PABPC4L: variants seen among roughly 807,000 people sequenced by gnomAD.
PABPC4L encodes polyadenylate-binding protein 4-like.
For synonymous variants in PABPC4L, 169 were observed against 164.1 expected, an observed-to-expected ratio of 1.03 and a Z score of -0.23; for missense variants, 452 against 451.4, an observed-to-expected ratio of 1.00 and a Z score of -0.01.
chr4:134,009,581 T>C, the PABPC4L span, among the ~76,000 whole-genome samples: 2 of 152,028 alleles, frequency 1.3e-5, no homozygotes, highest in Non-Finnish European at 2.9e-5. Flanking sequence ...TTCACTTTGA[T>C]AGCTTGCAGA....
At chr4:134,049,705 A>G in the PABPC4L span, among the ~76,000 whole-genome samples, 1 of 152,294 alleles carries the variant, frequency 6.6e-6, no homozygotes, top group East Asian at 1.9e-4. Context: ...CCAGATCAGG[A>G]TTGCATATTC....
At chr4:134,170,715 C>A in the PABPC4L span, among the ~76,000 whole-genome samples, 1 of 152,060 alleles carries the variant, frequency 6.6e-6, no homozygotes, top group African/African-American at 2.4e-5. Context: ...CATGAGAAAT[C>A]CATTACCATG....
the PABPC4L span, among the ~76,000 whole-genome samples, chr4:134,137,253 T>A: frequency 6.6e-6 from 1 of 152,096 alleles, no homozygotes; most frequent in Admixed American, 6.6e-5. Flanking sequence ...AAGCAAATGA[T>A]ATGTTTCTCT....
chr4:134,082,666 T>C, the PABPC4L span, among the ~76,000 whole-genome samples: 717 of 152,262 alleles, frequency 4.7e-3, 9 homozygotes, highest in African/African-American at 0.016. Flanking sequence ...TTGCTGAGAA[T>C]TGAGGTACTT....
At chr4:134,054,252 G>GTATATATATATATATATA in the PABPC4L span, among the ~76,000 whole-genome samples, 2 of 93,784 alleles carry the variant, frequency 2.1e-5, no homozygotes, top group Non-Finnish European at 4.5e-5. Flanking sequence ...AGTTGTATAT[G>GTATATATATATATATATA]TATATATATA....
chr4:134,113,245 A>C, the PABPC4L span, among the ~76,000 whole-genome samples: 14 of 152,032 alleles, frequency 9.2e-5, no homozygotes, highest in Admixed American at 8.5e-4. Flanking sequence ...AATGTTTATA[A>C]GGTCTATAAT....
At chr4:134,026,115 G>C in the PABPC4L span, among the ~76,000 whole-genome samples, 1 of 152,096 alleles carries the variant, frequency 6.6e-6, no homozygotes, top group East Asian at 1.9e-4. Context: ...CCTGGTGTTT[G>C]AGTTTATAAT....
At chr4:133,966,431 T>C in the PABPC4L span, among the ~76,000 whole-genome samples, 7 of 152,172 alleles carry the variant, frequency 4.6e-5, no homozygotes, top group Non-Finnish European at 7.4e-5. Flanking sequence ...AAACTACCAT[T>C]TGAACCAGCA....
chr4:134,008,110 G>A, the PABPC4L span, among the ~76,000 whole-genome samples: 2 of 151,606 alleles, frequency 1.3e-5, no homozygotes, highest in Non-Finnish European at 3.0e-5. Flanking sequence ...GTTAAATACA[G>A]CTTTCATGAA....
chr4:134,141,603 G>A, the PABPC4L span, among the ~76,000 whole-genome samples: 1 of 151,240 alleles, frequency 6.6e-6, no homozygotes, highest in African/African-American at 2.4e-5. Context: ...AGTTTTACAG[G>A]CTTCCTAATC....
the PABPC4L span, among the ~76,000 whole-genome samples, chr4:134,106,037 G>T: frequency 1.3e-5 from 2 of 151,522 alleles, no homozygotes; most frequent in African/African-American, 4.8e-5. Flanking sequence ...TTATCCTGTT[G>T]CTTCTTTAGA....
the PABPC4L span, among the ~76,000 whole-genome samples, chr4:134,170,893 C>T: frequency 2.0e-5 from 3 of 152,118 alleles, 1 homozygote; most frequent in Admixed American, 2.0e-4. Flanking sequence ...CTTTTAAGTG[C>T]TTTGAGATAT....
the PABPC4L span, among the ~76,000 whole-genome samples, chr4:134,046,208 A>G: frequency 6.6e-6 from 1 of 152,168 alleles, no homozygotes; most frequent in Non-Finnish European, 1.5e-5. Flanking sequence ...ATGGGGCAGG[A>G]GGACAGGGTG....
the PABPC4L span, among the ~76,000 whole-genome samples, chr4:134,026,778 T>G: frequency 5.9e-5 from 9 of 152,134 alleles, no homozygotes; most frequent in Non-Finnish European, 8.8e-5. Context: ...AAGGAAAAAT[T>G]AGACCTAGAC....
chr4:134,180,701 C>T, the PABPC4L span, among the ~76,000 whole-genome samples: 1 of 151,400 alleles, frequency 6.6e-6, no homozygotes, highest in Non-Finnish European at 1.5e-5. Context: ...AGAGGATGTA[C>T]AGTTGACCTT....
At chr4:134,171,055 TG>T in the PABPC4L span, among the ~76,000 whole-genome samples, 1 of 152,132 alleles carries the variant, frequency 6.6e-6, no homozygotes. Context: ...TATCTCATTG[TG>T]GTTTGGAATT....
At chr4:134,052,536 C>T in the PABPC4L span, among the ~76,000 whole-genome samples, 2 of 151,842 alleles carry the variant, frequency 1.3e-5, no homozygotes, top group African/African-American at 4.8e-5. Flanking sequence ...ATTATGTGTT[C>T]CGTGATGTGT....
the PABPC4L span, among the ~76,000 whole-genome samples, chr4:134,135,477 T>C: frequency 2.6e-5 from 4 of 152,130 alleles, no homozygotes; most frequent in Non-Finnish European, 5.9e-5. Context: ...CATTAAAGTA[T>C]ATTAAAGACA....
the PABPC4L span, among the ~76,000 whole-genome samples, chr4:134,008,621 T>C: frequency 6.6e-6 from 1 of 151,858 alleles, no homozygotes; most frequent in East Asian, 1.9e-4. Flanking sequence ...AGATCAAATT[T>C]AGCATACATA....
Sources: allele counts gnomAD v4.1 joint callset (sites outside exome capture counted in the v4.1 genomes callset), GRCh38; gene constraint gnomAD v4.1.1; transcripts MANE v1.5; gene names NCBI Gene and HGNC (gene_info 2026-07-23, HGNC 2026-07-21).